UBE2QL1: variants seen among roughly 807,000 people sequenced by gnomAD.
The protein encoded by UBE2QL1 is ubiquitin conjugating enzyme E2 QL1.
A neutral mutation model predicts 12.6 loss-of-function variants in UBE2QL1; 5 were observed. That is an observed-to-expected ratio of 0.40 (90% CI 0.21 to 0.83). UBE2QL1 has a LOEUF of 0.83. Ranked by LOEUF, UBE2QL1 falls within the 40% of genes least tolerant of loss-of-function variation. UBE2QL1 has a pLI of 0.37. For missense variants in UBE2QL1, 99 were observed against 222.6 expected (o/e 0.44, Z 3.53); for synonymous variants, 96 against 94.5 (o/e 1.02, Z -0.10).
intron 1 of UBE2QL1, among the ~76,000 whole-genome samples, chr5:6,465,150 C>T (rs1223871462): frequency 6.6e-6 from 1 of 152,028 alleles, no homozygotes; most frequent in Admixed American, 6.6e-5. Flanking sequence ...CCATGCATGG[C>T]TAATTTTTGT....
chr5:6,471,740 G>A, intron 1 of UBE2QL1, among the ~76,000 whole-genome samples: 1 of 152,228 alleles, frequency 6.6e-6, no homozygotes, highest in South Asian at 2.1e-4. Context: ...TTTTGGGACA[G>A]CTTAAGGGCT....
rs1734660726 is a variant in UBE2QL1, at chr5:6,496,100, G to A, written c.*4751G>A. 6.6e-6 allele frequency among the ~76,000 whole-genome samples: 1 copy of A among 152,102 alleles called. No individual in the cohort carries two copies. Among genetic ancestry groups the A allele is most frequent in the Non-Finnish European group, 1.5e-5 (1 of 68,016 alleles). Reference sequence around the variant, plus strand: ...GCTAGACAAATAGAGTGCAATGAGGGGGTCAGGTGCGAGGCCGTCCTCCCA... The same window carrying A: ...GCTAGACAAATAGAGTGCAATGAGGAGGTCAGGTGCGAGGCCGTCCTCCCA... On this transcript the variant is annotated 3_prime_UTR_variant, in exon 2 of 2. Transcript: ENST00000399816.
At chr5:6,464,759 G>T (rs80124532) in intron 1 of UBE2QL1, among the ~76,000 whole-genome samples, 7 of 152,102 alleles carry the variant, frequency 4.6e-5, no homozygotes, top group Admixed American at 4.6e-4. Context: ...CCTTAATGAC[G>T]TTTCAAAAAT....
chr5:6,487,651 A>C (rs1426607556), intron 1 of UBE2QL1, among the ~76,000 whole-genome samples: 1 of 152,256 alleles, frequency 6.6e-6, no homozygotes, highest in Non-Finnish European at 1.5e-5. Context: ...ACAAGGGAGA[A>C]AGGTAAATGT....
Position 6,449,169 on chromosome 5 carries a change from C to T in UBE2QL1, c.276C>T (p.Leu92=). The T allele has an allele frequency of 1.3e-6, 2 of 1,529,160 alleles. No individual in the cohort carries two copies. Among genetic ancestry groups the T allele is most frequent in the East Asian group, 2.5e-5 (1 of 39,592 alleles). 94.7% of individuals were successfully genotyped at this position (1,529,160 alleles called of 1,614,324 possible). Residue 92 remains leucine (L), a synonymous_variant, in exon 1 of 2, where the codon CTC becomes CTT. Transcript: ENST00000399816. ...LDGGAICMEL[L]TPRGWSSAYT... is the part of the protein sequence containing the mutation. ...GCGGCGCCATCTGCATGGAGCTGCTCACGCCGCGCGGCTGGTCCAGCGCCT... is the reference window on the plus strand; with the variant it reads ...GCGGCGCCATCTGCATGGAGCTGCTTACGCCGCGCGGCTGGTCCAGCGCCT...
chr5:6,477,969 G>A (rs1434238969), intron 1 of UBE2QL1, among the ~76,000 whole-genome samples: 1 of 152,182 alleles, frequency 6.6e-6, no homozygotes, highest in Non-Finnish European at 1.5e-5. Flanking sequence ...CTGCTTGGCA[G>A]GTATTGGGGA....
At chr5:6,477,416 A>G (rs552331855) in intron 1 of UBE2QL1, among the ~76,000 whole-genome samples, 1 of 151,860 alleles carries the variant, frequency 6.6e-6, no homozygotes, top group Non-Finnish European at 1.5e-5. Context: ...GCCTGCTGAC[A>G]GGTGCGCCCG....
intron 1 of UBE2QL1, among the ~76,000 whole-genome samples, chr5:6,461,044 A>T (rs1462576507): frequency 6.6e-6 from 1 of 152,246 alleles, no homozygotes; most frequent in African/African-American, 2.4e-5. Flanking sequence ...GTAGTCAATT[A>T]CATGGATCCT....
At chr5:6,490,567 C>T (rs1734548671) in intron 1 of UBE2QL1, among the ~76,000 whole-genome samples, 1 of 152,216 alleles carries the variant, frequency 6.6e-6, no homozygotes, top group African/African-American at 2.4e-5. Context: ...CTCTCTTGGA[C>T]CTCGAGGATG....
At chr5:6,472,700 G>A (rs549981412) in intron 1 of UBE2QL1, among the ~76,000 whole-genome samples, 11 of 152,014 alleles carry the variant, frequency 7.2e-5, no homozygotes, top group Non-Finnish European at 1.3e-4. Flanking sequence ...GCAAGTGTTA[G>A]ACATCACAAA....
chr5:6,467,888 AT>A (rs1739831420), intron 1 of UBE2QL1, among the ~76,000 whole-genome samples: 1 of 151,712 alleles, frequency 6.6e-6, no homozygotes, highest in Admixed American at 6.6e-5. Flanking sequence ...CTGTCCCAGA[AT>A]TTTTTCTTTC....
chr5:6,484,575 C>T (rs1320210503), intron 1 of UBE2QL1, among the ~76,000 whole-genome samples: 1 of 152,162 alleles, frequency 6.6e-6, no homozygotes, highest in Non-Finnish European at 1.5e-5. Context: ...GATGTGAAAA[C>T]AGCCAGGCAG....
chr5:6,450,909 G>A (rs1346481989), intron 1 of UBE2QL1, among the ~76,000 whole-genome samples: 1 of 152,192 alleles, frequency 6.6e-6, no homozygotes, highest in African/African-American at 2.4e-5. Flanking sequence ...CTGATGAAAG[G>A]TTCATGTGAT....
chr5:6,472,328 T>C (rs1205870863), intron 1 of UBE2QL1, among the ~76,000 whole-genome samples: 1 of 152,224 alleles, frequency 6.6e-6, no homozygotes, highest in Non-Finnish European at 1.5e-5. Flanking sequence ...GATACCCAGC[T>C]GTGAGCTCAC....
In UBE2QL1 at chr5:6,479,103, C is replaced by A. The variant is rs1377682567; in HGVS notation, c.355-12115C>A. On this transcript the variant is annotated intron_variant, in intron 1 of 1. Coordinates refer to ENST00000399816, the MANE Select transcript of UBE2QL1 (RefSeq NM_001145161.3). The surrounding 1 kb of genome is among the most constrained non-coding windows in gnomAD (Gnocchi z 4.2). ...TCAGGGAGGCGTGGCAGGGTGGAGG[C>A]AGCCGTGGGCATCTAGGGACACACA... 2.0e-5 allele frequency among the ~76,000 whole-genome samples: 3 copies of A among 152,002 alleles called. No homozygotes were observed. The highest frequency in any genetic ancestry group is 2.9e-5 in the Non-Finnish European group (2 of 68,000).
chr5:6,495,082 G>A lies in UBE2QL1; in HGVS notation c.*3733G>A, dbSNP rs146759612. Among the ~76,000 whole-genome samples, 37 of 152,304 alleles carry A rather than the reference G, an allele frequency of 2.4e-4. No individual in the cohort carries two copies. The East Asian group carries it at 7.2e-3, about 29-fold the overall frequency. On this transcript the variant is annotated 3_prime_UTR_variant, in exon 2 of 2. Coordinates refer to ENST00000399816, the MANE Select transcript of UBE2QL1 (RefSeq NM_001145161.3). ...TGGGCAAAGGGAAGGAGAAGGGCAG[G>A]TGTAGCAGGTGTAGAAATGGGAGGG...
intron 1 of UBE2QL1, among the ~76,000 whole-genome samples, chr5:6,466,712 G>T (rs931089234): frequency 6.6e-5 from 10 of 152,244 alleles, no homozygotes; most frequent in African/African-American, 2.4e-4. Context: ...GCCGTCAAAA[G>T]GCTTTCTGGT....
chr5:6,480,338 G>A, intron 1 of UBE2QL1, among the ~76,000 whole-genome samples: 1 of 152,222 alleles, frequency 6.6e-6, no homozygotes, highest in Non-Finnish European at 1.5e-5. Context: ...CTGCTGGAGT[G>A]TCTCAGTATG....
At chr5:6,456,454 G>C (rs933019099) in intron 1 of UBE2QL1, among the ~76,000 whole-genome samples, 2 of 152,190 alleles carry the variant, frequency 1.3e-5, no homozygotes, top group African/African-American at 4.8e-5. Flanking sequence ...CTGATAAATG[G>C]AAAGGCCAGG....
Sources: gnomAD v4.1 joint callset for allele counts (sites outside exome capture counted in the v4.1 genomes callset) on GRCh38, gnomAD v4.1.1 for gene constraint, Gnocchi (gnomAD v3.1) non-coding constraint, MANE v1.5 for transcripts, NCBI Gene and HGNC (gene_info 2026-07-23, HGNC 2026-07-21) for gene names.